Variants in CORO2A observed in about 807,000 individuals in gnomAD.
The protein encoded by CORO2A is coronin-2A.
Under a neutral mutation model 62.4 loss-of-function variants are expected in CORO2A, and 47 were observed. That is an observed-to-expected ratio of 0.75 (90% CI 0.60 to 0.96). CORO2A has a LOEUF of 0.96. Ranked by LOEUF, CORO2A falls within the 40% of genes least tolerant of loss-of-function variation. The pLI is 0.00. For missense variants in CORO2A, 610 were observed against 684.1 expected (o/e 0.89, Z 1.21); for synonymous variants, 273 against 268.9 (o/e 1.02, Z -0.15).
At chr9:98,149,271 A>G (rs1827691368) in intron 2 of CORO2A, among the ~76,000 whole-genome samples, 1 of 152,246 alleles carries the variant, frequency 6.6e-6, no homozygotes, top group African/African-American at 2.4e-5. Context: ...TAAACTGGGC[A>G]TCCTGTATTT....
chr9:98,134,101 A>G (rs1396770571), intron 4 of CORO2A, among the ~76,000 whole-genome samples: 1 of 152,016 alleles, frequency 6.6e-6, no homozygotes, highest in Non-Finnish European at 1.5e-5. Context: ...GTCTCTGTAA[A>G]CCCCTATAGT....
At chr9:98,167,125 A>G (rs1324984310) in intron 1 of CORO2A, among the ~76,000 whole-genome samples, 2 of 151,774 alleles carry the variant, frequency 1.3e-5, no homozygotes, top group Non-Finnish European at 2.9e-5. Context: ...AAAAAGAAAG[A>G]AAAGAAAAAG....
At chr9:98,190,569 T>C (rs1284949521) in intron 1 of CORO2A, among the ~76,000 whole-genome samples, 1 of 152,096 alleles carries the variant, frequency 6.6e-6, no homozygotes, top group Admixed American at 6.5e-5. Flanking sequence ...GGGATGCCTA[T>C]CTGTAAAATG....
chr9:98,137,507 T>C, intron 3 of CORO2A, 65 bp downstream of exon 3: 1 of 1,348,212 alleles, frequency 7.4e-7, no homozygotes. Flanking sequence ...ACAGGTACCA[T>C]TCCACCCCAA....
chr9:98,146,210 C>G lies in CORO2A; in HGVS notation c.202-8522G>C, dbSNP rs560819782. On this transcript the variant is annotated intron_variant, in intron 2 of 11. Coordinates refer to ENST00000375077, the MANE Select transcript of CORO2A (RefSeq NM_052820.4). ...CACCCTCCACACCTCACAGCAAAGT[C>G]CACCTTCTTCACCCCCTCCCTGGAG... 1.5e-4 allele frequency among the ~76,000 whole-genome samples: 23 copies of G among 152,320 alleles called. No homozygotes were observed. In the East Asian group the frequency reaches 3.9e-3, roughly 26 times the overall value.
chr9:98,162,597 T>C (rs937918582), intron 1 of CORO2A, among the ~76,000 whole-genome samples: 3 of 152,282 alleles, frequency 2.0e-5, no homozygotes, highest in Admixed American at 2.0e-4. Flanking sequence ...GGCATGGAAG[T>C]GTATGTGTAT....
At chr9:98,135,388 A>C (rs544999718) in intron 3 of CORO2A, among the ~76,000 whole-genome samples, 3 of 152,222 alleles carry the variant, frequency 2.0e-5, no homozygotes, top group Non-Finnish European at 4.4e-5. Context: ...ATCCTCAGGC[A>C]CTAGGGAGCC....
chr9:98,151,749 G>A (rs921262831), intron 2 of CORO2A, among the ~76,000 whole-genome samples: 3 of 151,262 alleles, frequency 2.0e-5, no homozygotes, highest in Non-Finnish European at 4.4e-5. Flanking sequence ...TGCAACCTCC[G>A]CCTCCTGGGT....
intron 1 of CORO2A, among the ~76,000 whole-genome samples, chr9:98,189,657 C>T (rs554580873): frequency 1.3e-5 from 2 of 152,198 alleles, no homozygotes; most frequent in South Asian, 2.1e-4. Context: ...GAGAGGGGAA[C>T]GGATCGGCCC....
Position 98,171,055 on chromosome 9 carries a change from C to T in CORO2A, c.1-13395G>A, listed in dbSNP as rs1057124571. On this transcript the variant is annotated intron_variant, in intron 1 of 11. Coordinates refer to ENST00000375077, the MANE Select transcript of CORO2A (RefSeq NM_052820.4). ...CAAAACTCCACACAGGTTTATTGCCCCACAATCTCCTTATCTGGGAGTTTC... is the reference window on the plus strand; with the variant it reads ...CAAAACTCCACACAGGTTTATTGCCTCACAATCTCCTTATCTGGGAGTTTC... Among the ~76,000 whole-genome samples, 15 of 151,810 alleles carry T rather than the reference C, an allele frequency of 9.9e-5. 1 individual carries two copies. The highest frequency in any genetic ancestry group is 7.8e-4 in the Admixed American group (12 of 15,290).
intron 1 of CORO2A, among the ~76,000 whole-genome samples, chr9:98,167,868 G>A (rs931111296): frequency 6.6e-5 from 10 of 152,334 alleles, no homozygotes; most frequent in East Asian, 1.9e-4. Context: ...GAATGAGTGC[G>A]TAGAGATGAA....
At chr9:98,180,986 A>G (rs1828168614) in intron 1 of CORO2A, among the ~76,000 whole-genome samples, 2 of 152,240 alleles carry the variant, frequency 1.3e-5, no homozygotes, top group Admixed American at 1.3e-4. Flanking sequence ...AACCTGGGAC[A>G]TCAGCTCACT....
At chr9:98,187,053 G>C (rs1376671721) in intron 1 of CORO2A, among the ~76,000 whole-genome samples, 1 of 152,138 alleles carries the variant, frequency 6.6e-6, no homozygotes, top group Admixed American at 6.5e-5. Flanking sequence ...GCTGAGGGGG[G>C]CAGATCATGA....
intron 2 of CORO2A, 83 bp from the exon 3 acceptor site, chr9:98,137,771 A>C: frequency 1.0e-6 from 1 of 995,516 alleles, no homozygotes; most frequent in Non-Finnish European, 1.6e-6. Flanking sequence ...GTTAGCAACC[A>C]GTCAACAGGA....
intron 1 of CORO2A, among the ~76,000 whole-genome samples, chr9:98,168,753 A>G (rs1054107088): frequency 6.6e-6 from 1 of 152,270 alleles, no homozygotes; most frequent in African/African-American, 2.4e-5. Context: ...GGAGGCCAGC[A>G]TTTTGGGTAT....
At chr9:98,152,511 T>C (rs997421644) in intron 2 of CORO2A, among the ~76,000 whole-genome samples, 1 of 152,106 alleles carries the variant, frequency 6.6e-6, no homozygotes, top group East Asian at 1.9e-4. Flanking sequence ...CTCGAACTCC[T>C]GGGCTCAAGA....
chr9:98,183,465 T>C (rs553148796), intron 1 of CORO2A, among the ~76,000 whole-genome samples: 3 of 152,352 alleles, frequency 2.0e-5, no homozygotes, highest in African/African-American at 7.2e-5. Context: ...GAGTGCTGAC[T>C]TCATCCCTGC....
Position 98,137,675 on chromosome 9 carries a change from T to G in CORO2A, c.215A>C (p.Asp72Ala). 6.2e-7 allele frequency: 1 copy of G among 1,613,936 alleles called. No individual in the cohort carries two copies. The highest frequency in any genetic ancestry group is 8.5e-7 in the Non-Finnish European group (1 of 1,179,844). Residue 72 changes from aspartate to alanine, a missense_variant, in exon 3 of 12, where the codon GAC (aspartate) becomes GCC (alanine). Transcript: ENST00000375077. ...CCCGCAGACTTTTGGGTAGTGGGGG[T>G]CCAACTTCCCTGTCTGCAAGACAGT... ...VIPLHQTGKL[D>A]PHYPKVCGHR...
intron 1 of CORO2A, 107 bp from the exon 2 acceptor site, chr9:98,157,767 G>T: frequency 2.8e-6 from 3 of 1,064,810 alleles, no homozygotes; most frequent in Non-Finnish European, 4.2e-6. Context: ...CAGGACAGTG[G>T]TCAGTTCAAC....
Sources: allele counts gnomAD v4.1 joint callset (sites outside exome capture counted in the v4.1 genomes callset), GRCh38; gene constraint gnomAD v4.1.1; transcripts MANE v1.5; gene names NCBI Gene and HGNC (gene_info 2026-07-23, HGNC 2026-07-21).